Variants in CADM1 observed in about 807,000 individuals in gnomAD.
CADM1 encodes the protein cell adhesion molecule 1.
Under a neutral mutation model 53.1 loss-of-function variants are expected in CADM1, and 15 were observed. That is an observed-to-expected ratio of 0.28 (90% confidence interval 0.19 to 0.44). The LOEUF (loss-of-function observed/expected upper bound fraction) is 0.44. Ranked by LOEUF, CADM1 falls within the 20% of genes least tolerant of loss-of-function variation. The pLI is 1.00. For synonymous variants in CADM1, 281 were observed against 243.0 expected (o/e 1.16, Z -1.45); for missense variants, 434 against 611.3 (o/e 0.71, Z 3.06).
At chr11:115,350,501 C>CT (rs1277289870) in intron 1 of CADM1, among the ~76,000 whole-genome samples, 18 of 124,720 alleles carry the variant, frequency 1.4e-4, no homozygotes, top group Non-Finnish European at 2.4e-4. Flanking sequence ...TATGACCATT[C>CT]TTTTTTTCTT....
At chr11:115,485,196 A>G (rs1949347050) in intron 1 of CADM1, among the ~76,000 whole-genome samples, 1 of 151,904 alleles carries the variant, frequency 6.6e-6, no homozygotes, top group East Asian at 1.9e-4. Flanking sequence ...TTCTTCCACA[A>G]CTTTAACTTC....
At chr11:115,382,691 A>T (rs1946608414) in intron 1 of CADM1, among the ~76,000 whole-genome samples, 1 of 152,116 alleles carries the variant, frequency 6.6e-6, no homozygotes, top group Non-Finnish European at 1.5e-5. Flanking sequence ...TATTTCCTTT[A>T]TAGGAAACTA....
intron 1 of CADM1, among the ~76,000 whole-genome samples, chr11:115,439,491 T>C (rs548978213): frequency 2.6e-5 from 4 of 152,328 alleles, no homozygotes; most frequent in African/African-American, 7.2e-5. Flanking sequence ...CATAGATGAG[T>C]ACACTGAAGC....
At chr11:115,412,896 A>AT (rs775839265) in intron 1 of CADM1, among the ~76,000 whole-genome samples, 5 of 152,218 alleles carry the variant, frequency 3.3e-5, no homozygotes, top group Non-Finnish European at 7.3e-5. Context: ...CTTTTCCAAA[A>AT]TTTTATTCAC....
intron 7 of CADM1, among the ~76,000 whole-genome samples, chr11:115,210,193 A>G (rs926468583): frequency 6.6e-6 from 1 of 152,242 alleles, no homozygotes; most frequent in South Asian, 2.1e-4. Flanking sequence ...TAATAAATAC[A>G]AAGAAGAGAG....
intron 1 of CADM1, among the ~76,000 whole-genome samples, chr11:115,310,497 G>T (rs185955749): frequency 6.6e-6 from 1 of 152,056 alleles, no homozygotes; most frequent in African/African-American, 2.4e-5. Flanking sequence ...ATGTATGTAT[G>T]GGGGGGTGGA....
intron 1 of CADM1, among the ~76,000 whole-genome samples, chr11:115,349,245 A>G (rs1945662163): frequency 6.6e-6 from 1 of 152,232 alleles, no homozygotes; most frequent in South Asian, 2.1e-4. Context: ...TCAGAAAAAT[A>G]TACTTTAAAA....
intron 1 of CADM1, among the ~76,000 whole-genome samples, chr11:115,319,094 T>C (rs969984122): frequency 6.6e-6 from 1 of 152,188 alleles, no homozygotes; most frequent in Non-Finnish European, 1.5e-5. Context: ...AAGGTCACTA[T>C]GGCAGAGAAT....
chr11:115,450,012 T>C (rs892370842), intron 1 of CADM1, among the ~76,000 whole-genome samples: 7 of 151,994 alleles, frequency 4.6e-5, no homozygotes, highest in Non-Finnish European at 1.0e-4. Flanking sequence ...CATTCACTCA[T>C]GGAATAACTC....
chr11:115,238,696 G>A (rs372949200), intron 2 of CADM1, 44 bp from the exon 3 acceptor site: 101 of 1,589,614 alleles, frequency 6.4e-5, no homozygotes, highest in Non-Finnish European at 7.9e-5. Context: ...GAAGGTGGAC[G>A]GACAGTCTAT....
intron 5 of CADM1, among the ~76,000 whole-genome samples, chr11:115,228,516 CTT>C (rs1941697770): frequency 6.6e-6 from 1 of 152,126 alleles, no homozygotes; most frequent in Non-Finnish European, 1.5e-5. Context: ...CAGAAAAAGA[CTT>C]TTTCCTTTTA....
At chr11:115,303,900 C>T (rs1027909166) in intron 1 of CADM1, among the ~76,000 whole-genome samples, 7 of 152,032 alleles carry the variant, frequency 4.6e-5, no homozygotes, top group African/African-American at 1.2e-4. Context: ...AAAGAAGGCA[C>T]AAAGGCCTCC....
chr11:115,291,249 T>C (rs1943894931), intron 1 of CADM1, among the ~76,000 whole-genome samples: 1 of 152,184 alleles, frequency 6.6e-6, no homozygotes, highest in Admixed American at 6.5e-5. Context: ...TAATTGAACA[T>C]ACAGTAATTC....
rs536891265 is a variant in CADM1 at position 115,392,876 on chromosome 11, T to C, written c.124+111395A>G. 2.6e-5 allele frequency among the ~76,000 whole-genome samples: 4 copies of C among 151,558 alleles called. No individual in the cohort carries two copies. The South Asian group carries it at 8.4e-4, about 32-fold the overall frequency. On this transcript the variant is annotated intron_variant, in intron 1 of 11. Transcript: ENST00000331581. Reference sequence around the variant, plus strand: ...CAAAATTCTGGAAAAATCTAGAGGATTAAAAGTGGTGAAACAAGCCAGGCA... The same window carrying C: ...CAAAATTCTGGAAAAATCTAGAGGACTAAAAGTGGTGAAACAAGCCAGGCA...
chr11:115,428,400 T>C (rs1395550116), intron 1 of CADM1, among the ~76,000 whole-genome samples: 2 of 152,062 alleles, frequency 1.3e-5, no homozygotes, highest in Admixed American at 6.6e-5. Context: ...GGAGGAAATA[T>C]ATAAATGGGA....
chr11:115,209,763 TTCC>T (rs1159076932), intron 7 of CADM1, 106 bp from the exon 8 acceptor site: 42 of 1,406,002 alleles, frequency 3.0e-5, no homozygotes, highest in Non-Finnish European at 3.9e-5. Flanking sequence ...GTTTGATGGC[TTCC>T]CCCTTTAAAA....
chr11:115,331,386 C>G (rs1392596514), intron 1 of CADM1, among the ~76,000 whole-genome samples: 1 of 152,134 alleles, frequency 6.6e-6, no homozygotes, highest in Non-Finnish European at 1.5e-5. Flanking sequence ...CAGAGACACA[C>G]ATTTCCATTC....
At chr11:115,458,205 G>A (rs918172248) in intron 1 of CADM1, among the ~76,000 whole-genome samples, 3 of 151,786 alleles carry the variant, frequency 2.0e-5, no homozygotes, top group African/African-American at 4.8e-5. Context: ...GAGGAACAAC[G>A]TAACTATAAT....
At position 115,206,758 on chromosome 11, in the gene CADM1, C is replaced by CTTTTTTTTTTTTTTT. The variant is rs56270694; in HGVS notation, c.1078+2801_1078+2815dup. On this transcript the variant is annotated intron_variant, in intron 8 of 11. Coordinates refer to ENST00000331581, the MANE Select transcript of CADM1 (RefSeq NM_001301043.2). The stretch of plus-strand genomic sequence containing the variant: ...AAAAGAAATAGATGACTGTGGACTT[C>CTTTTTTTTTTTTTTT]TTTTTTTTTTTTTTTTTTTTTTTTT... 2.5e-3 allele frequency among the ~76,000 whole-genome samples: 97 copies of CTTTTTTTTTTTTTTT among 38,232 alleles called. 40 individuals carry two copies. Among genetic ancestry groups the CTTTTTTTTTTTTTTT allele is most frequent in the South Asian group, 6.8e-3 (4 of 590 alleles). 25.1% of individuals were successfully genotyped at this position (38,232 alleles called of 152,430 possible). A position where few individuals can be genotyped will look rare whatever the true frequency, so the allele number is the denominator to read the frequency against.
Sources: gnomAD v4.1 joint callset for allele counts (sites outside exome capture counted in the v4.1 genomes callset) on GRCh38, gnomAD v4.1.1 for gene constraint, MANE v1.5 for transcripts, NCBI Gene and HGNC (gene_info 2026-07-23, HGNC 2026-07-21) for gene names.